Variants in SFMBT2 observed in about 807,000 individuals in gnomAD.
The protein encoded by SFMBT2 is scm-like with four MBT domains protein 2.
Under a neutral mutation model 110.1 loss-of-function variants are expected in SFMBT2, and 38 were observed. The observed-to-expected ratio is 0.35, with a 90% confidence interval of 0.27 to 0.45. The LOEUF (loss-of-function observed/expected upper bound fraction) is 0.45. Among genes scored for constraint, SFMBT2 ranks in the 20% least tolerant of loss-of-function variants. The pLI is 1.00. For missense variants in SFMBT2, 1,011 were observed against 1,094.9 expected (o/e 0.92, Z 1.08); for synonymous variants, 425 against 425.4 (o/e 1.00, Z 0.01).
At chr10:7,165,777 AT>A (rs1484406465) in intron 20 of SFMBT2, among the ~76,000 whole-genome samples, 1 of 152,158 alleles carries the variant, frequency 6.6e-6, no homozygotes, top group African/African-American at 2.4e-5. Flanking sequence ...TGTTTATATC[AT>A]TTTTCCCTTG....
Position 7,267,193 on chromosome 10 carries a change from G to A in SFMBT2, c.870+9699C>T, listed in dbSNP as rs78666952. On this transcript the variant is annotated intron_variant, in intron 7 of 20. Transcript: ENST00000397167. ...ACCTGGCACCTCTTGTCACAGCTGG[G>A]TGCTGTGTGACGCCTCCAGGAGGGG... 8.6e-3 allele frequency among the ~76,000 whole-genome samples: 1,316 copies of A among 152,172 alleles called. 21 individuals are homozygous for A. The highest frequency in any genetic ancestry group is 0.031 in the African/African-American group (1,269 of 41,522).
At chr10:7,262,263 C>T (rs769130900) in intron 7 of SFMBT2, among the ~76,000 whole-genome samples, 1 of 152,030 alleles carries the variant, frequency 6.6e-6, no homozygotes, top group African/African-American at 2.4e-5. Context: ...GGGGGAGCCA[C>T]CTCCAAACAA....
chr10:7,211,887 A>G (rs1052587898), intron 11 of SFMBT2, among the ~76,000 whole-genome samples: 5 of 152,164 alleles, frequency 3.3e-5, no homozygotes, highest in African/African-American at 7.2e-5. Context: ...TAAACATATG[A>G]GGTGGGCTCA....
At chr10:7,381,974 AT>A (rs1845437862) in intron 1 of SFMBT2, 25 bp from the exon 2 acceptor site, 2 of 1,383,266 alleles carry the variant, frequency 1.4e-6, no homozygotes, top group Non-Finnish European at 1.9e-6. Context: ...AAAAAAAAAA[AT>A]CAGAGCAGTT....
At chr10:7,348,321 A>G in intron 4 of SFMBT2, 2 of 1,530,792 alleles carry the variant, frequency 1.3e-6, no homozygotes, top group Non-Finnish European at 8.8e-7. Context: ...TGATGGCTTG[A>G]CATCACTCTC....
At chr10:7,262,526 G>A (rs1444994397) in intron 7 of SFMBT2, among the ~76,000 whole-genome samples, 1 of 152,148 alleles carries the variant, frequency 6.6e-6, no homozygotes, top group African/African-American at 2.4e-5. Flanking sequence ...CAAGTTCCCC[G>A]GGAACTGGCA....
In SFMBT2 at chr10:7,172,143, C is replaced by A. The variant is rs893032067; in HGVS notation, c.2167G>T (p.Asp723Tyr). The A allele has an allele frequency of 1.3e-6, 2 of 1,559,862 alleles. No homozygotes were observed. Among genetic ancestry groups the A allele is most frequent in the African/African-American group, 2.8e-5 (2 of 72,698 alleles). Residue 723 changes from aspartate (D) to tyrosine (Y), a missense_variant, in exon 19 of 21, where the codon GAC (aspartate) becomes TAC (tyrosine). Physicochemically the swap from Asp to Tyr is radical, Grantham distance 160 (BLOSUM62 -3). Transcript: ENST00000397167. The surrounding 1 kb of genome is among the most constrained non-coding windows in gnomAD (Gnocchi z 4.6). ...GTGTCATCGTCCATGGCGTCAGCGT[C>A]CTCCTCTTCACTTTCCTGGGAAGGA... Reference protein sequence around the residue: ...AGSGEESEEEDADAMDDDTAS... With the variant: ...AGSGEESEEEYADAMDDDTAS...
At chr10:7,376,446 T>A (rs1236177965) in intron 2 of SFMBT2, among the ~76,000 whole-genome samples, 2 of 151,966 alleles carry the variant, frequency 1.3e-5, no homozygotes, top group African/African-American at 2.4e-5. Flanking sequence ...CACCCTGTAG[T>A]CCCGGCACTT....
At chr10:7,228,695 CTTTCTT>C (rs1175438691) in intron 9 of SFMBT2, among the ~76,000 whole-genome samples, 1 of 129,188 alleles carries the variant, frequency 7.7e-6, no homozygotes, top group East Asian at 2.2e-4. Context: ...TTCTTTCTTT[CTTTCTT>C]TCTTTCTTTC....
At chr10:7,386,871 C>T (rs146413402) in intron 1 of SFMBT2, among the ~76,000 whole-genome samples, 2 of 152,136 alleles carry the variant, frequency 1.3e-5, no homozygotes, top group East Asian at 1.9e-4. Context: ...TTACTGTTCC[C>T]ATCTTACAGA....
chr10:7,203,026 A>G (rs1698176882), intron 12 of SFMBT2: 1 of 985,328 alleles, frequency 1.0e-6, no homozygotes, highest in Non-Finnish European at 1.2e-6. Context: ...GACATAAATG[A>G]GCAAATAGTG....
chr10:7,322,696 T>C (rs143484465), intron 4 of SFMBT2, among the ~76,000 whole-genome samples: 2 of 151,298 alleles, frequency 1.3e-5, no homozygotes, highest in African/African-American at 2.4e-5. Flanking sequence ...GAGGGGACAG[T>C]GGGGAGGCGA....
intron 4 of SFMBT2, among the ~76,000 whole-genome samples, chr10:7,315,381 C>T (rs770190168): frequency 3.8e-4 from 58 of 152,254 alleles, no homozygotes; most frequent in Non-Finnish European, 6.6e-4. Flanking sequence ...GAGGGAGAAT[C>T]CCTCCTGCCT....
intron 4 of SFMBT2, among the ~76,000 whole-genome samples, chr10:7,321,296 G>C (rs796253094): frequency 6.6e-6 from 1 of 151,710 alleles, no homozygotes; most frequent in African/African-American, 2.4e-5. Flanking sequence ...CCGCCTCCCG[G>C]GTTCATGCCA....
At chr10:7,267,797 TA>T (rs1324083692) in intron 7 of SFMBT2, among the ~76,000 whole-genome samples, 1 of 152,066 alleles carries the variant, frequency 6.6e-6, no homozygotes, top group African/African-American at 2.4e-5. Context: ...TTCCCTTCTT[TA>T]AAGGATAAAA....
chr10:7,279,535 T>A (rs1841889396), intron 6 of SFMBT2, among the ~76,000 whole-genome samples: 1 of 152,186 alleles, frequency 6.6e-6, no homozygotes, highest in African/African-American at 2.4e-5. Context: ...GTCATGCTGG[T>A]TATACTAGCA....
rs898056616 is a variant in SFMBT2, at chr10:7,159,020, A to G, written c.*4750T>C. 6.6e-6 allele frequency: 1 copy of G among 152,152 alleles called. No individual in the cohort carries two copies. Among genetic ancestry groups the G allele is most frequent in the African/African-American group, 2.4e-5 (1 of 41,434 alleles). 9.4% of individuals were successfully genotyped at this position (152,152 alleles called of 1,614,324 possible). ...TTATCTTTTTCTGTCATTTAAAAAA[A>G]TTTGCCTCAAATTTTTCATCCTAAG... On this transcript the variant is annotated 3_prime_UTR_variant, in exon 21 of 21. Coordinates refer to ENST00000397167, the MANE Select transcript of SFMBT2 (RefSeq NM_001387889.1).
At position 7,381,795 on chromosome 10, in the gene SFMBT2, C is replaced by T. The variant is rs1588497999; in HGVS notation, c.100+4G>A. The T allele has an allele frequency of 1.9e-6, 3 of 1,609,568 alleles. No homozygotes were observed. The highest frequency in any genetic ancestry group is 2.5e-6 in the Non-Finnish European group (3 of 1,178,410). ...CCAGATGAATCTCGAAAACAAAATC[C>T]TACCAGAATCAAGGTCTCCATTTCC... is the stretch of plus-strand genomic sequence containing the variant. On this transcript the variant is annotated splice_donor_region_variant and intron_variant, in intron 2 of 20. Transcript: ENST00000397167.
intron 4 of SFMBT2, among the ~76,000 whole-genome samples, chr10:7,315,038 G>GAAAGAAAGAAAGAA (rs1242711654): frequency 4.9e-5 from 4 of 82,252 alleles, no homozygotes; most frequent in East Asian, 7.5e-4. Flanking sequence ...AAGAAAGAAA[G>GAAAGAAAGAAAGAA]AGAAAGAAAG....
Sources: gnomAD v4.1 joint callset for allele counts (sites outside exome capture counted in the v4.1 genomes callset) on GRCh38, gnomAD v4.1.1 for gene constraint, Gnocchi (gnomAD v3.1) non-coding constraint, MANE v1.5 for transcripts, NCBI Gene and HGNC (gene_info 2026-07-23, HGNC 2026-07-21) for gene names.